The following XPO1 variants were observed in gnomAD, a reference collection of about 807,000 sequenced individuals.
XPO1 encodes the protein exportin-1.
In XPO1, 5 loss-of-function variants were observed where a neutral mutation model predicts 133.3. The ratio of observed to expected loss-of-function variants is 0.04; its 90% CI spans 0.02 to 0.08. The LOEUF (loss-of-function observed/expected upper bound fraction) is 0.08, where lower values mean the gene tolerates loss of function less well. Among genes scored for constraint, XPO1 ranks in the 10% least tolerant of loss-of-function variants. XPO1 has a pLI of 1.00. For synonymous variants in XPO1, 419 were observed against 408.2 expected (o/e 1.03, Z -0.32); for missense variants, 506 against 1,267.5 (o/e 0.40, Z 9.12).
chr2:61,495,781 C>T (rs962954737), intron 10 of XPO1, among the ~76,000 whole-genome samples, 168 bp from the exon 11 acceptor site: 2 of 151,936 alleles, frequency 1.3e-5, no homozygotes, highest in African/African-American at 4.8e-5. Flanking sequence ...AATCAGTCCT[C>T]CTCAGCCCCT....
chr2:61,502,031 C>A lies in XPO1; in HGVS notation c.373G>T (p.Val125Leu). The A allele has an allele frequency of 6.2e-7, 1 of 1,601,868 alleles. No individual in the cohort carries two copies. The highest frequency in any genetic ancestry group is 8.5e-7 in the Non-Finnish European group (1 of 1,173,372). Reference sequence around the variant, plus strand: ...ATCATATTTAATTTTCCGATATACACCTTTTCTTTCTAAGGAAAAGTAAAA... The same window carrying A: ...ATCATATTTAATTTTCCGATATACAACTTTTCTTTCTAAGGAAAAGTAAAA... Reference protein sequence around the residue: ...SDPTCVEKEKVYIGKLNMILV... With the variant: ...SDPTCVEKEKLYIGKLNMILV... Residue 125 changes from valine to leucine, a missense_variant, in exon 6 of 25, where the codon GTG becomes TTG. Val to Leu is a conservative substitution (Grantham distance 32). This residue lies in a region of XPO1 where 68 missense variants were observed against 210.5 expected (regional missense o/e 0.32). Coordinates refer to ENST00000401558, the MANE Select transcript of XPO1 (RefSeq NM_003400.4).
chr2:61,504,454 A>C (rs1697697650), intron 4 of XPO1, among the ~76,000 whole-genome samples: 1 of 152,228 alleles, frequency 6.6e-6, no homozygotes, highest in South Asian at 2.1e-4. Flanking sequence ...ACTATTTCCT[A>C]CTACGTAAAA....
rs1162220239 is a variant in XPO1, at chr2:61,537,594, C to T, written c.-39G>A. ...TTGAACCAACTGCTCCTTCCTTCCT[C>T]GTTGGGGGATTAGGGCGAGGGAAGG... On this transcript the variant is annotated 5_prime_UTR_variant, in exon 1 of 25. Transcript: ENST00000401558. 2 of 151,544 alleles carry T rather than the reference C, an allele frequency of 1.3e-5. No homozygotes were observed. Among genetic ancestry groups the T allele is most frequent in the African/African-American group, 2.4e-5 (1 of 41,214 alleles). The allele number at this position is 151,544 out of a possible 1,614,324, so 9.4% of individuals were successfully genotyped here.
Position 61,522,490 on chromosome 2 carries a change from C to T in XPO1, c.301+121G>A, listed in dbSNP as rs562797289. On this transcript the variant is annotated intron_variant, in intron 4 of 24. Coordinates refer to ENST00000401558, the MANE Select transcript of XPO1 (RefSeq NM_003400.4). ...AGACCTGTTTGCTTCATGATAAAAG[C>T]AATAAGCTCCATTAGAGCAAAATAT... 9.7e-5 allele frequency: 78 copies of T among 804,392 alleles called. 2 individuals are homozygous for T. The East Asian group carries it at 2.0e-3, about 21-fold the overall frequency. 49.8% of individuals were successfully genotyped at this position (804,392 alleles called of 1,614,324 possible). A position where few individuals can be genotyped will look rare whatever the true frequency, so the allele number is the denominator to read the frequency against.
intron 9 of XPO1, among the ~76,000 whole-genome samples, chr2:61,497,635 AT>A (rs1697306396): frequency 6.6e-6 from 1 of 152,194 alleles, no homozygotes; most frequent in African/African-American, 2.4e-5. Context: ...AAAACTTGTG[AT>A]TGCTTAGAAT....
At chr2:61,503,046 A>G (rs1697617481) in intron 4 of XPO1, among the ~76,000 whole-genome samples, 2 of 149,904 alleles carry the variant, frequency 1.3e-5, no homozygotes, top group Admixed American at 1.3e-4. Flanking sequence ...GCTCCCTGCA[A>G]CCTCTGCCTC....
At chr2:61,514,322 G>A (rs534471771) in intron 4 of XPO1, among the ~76,000 whole-genome samples, 11 of 152,262 alleles carry the variant, frequency 7.2e-5, no homozygotes, top group Admixed American at 2.0e-4. Context: ...GCTGGGCGTG[G>A]TGGCTCATGC....
At chr2:61,515,912 TCTC>T (rs1436600477) in intron 4 of XPO1, among the ~76,000 whole-genome samples, 7 of 120,472 alleles carry the variant, frequency 5.8e-5, no homozygotes, top group African/African-American at 2.4e-4. Flanking sequence ...TGAAACCCCA[TCTC>T]TACTAAAAAA....
At chr2:61,482,676 G>A (rs1696455525) in intron 22 of XPO1, 137 bp from the exon 23 acceptor site, 3 of 882,256 alleles carry the variant, frequency 3.4e-6, no homozygotes, top group Non-Finnish European at 5.0e-6. Flanking sequence ...CGCAATCTTA[G>A]TTCACTGCAA....
intron 4 of XPO1, among the ~76,000 whole-genome samples, chr2:61,506,787 G>A (rs532631606): frequency 2.0e-5 from 3 of 152,056 alleles, no homozygotes; most frequent in Non-Finnish European, 2.9e-5. Context: ...AGCTCAGCTT[G>A]AAATTTGACA....
At chr2:61,491,794 C>T (rs1473204358) in intron 16 of XPO1, among the ~76,000 whole-genome samples, 1 of 151,462 alleles carries the variant, frequency 6.6e-6, no homozygotes, top group Non-Finnish European at 1.5e-5. Flanking sequence ...CAGCTACCCA[C>T]GAGGCCAAGG....
intron 6 of XPO1, among the ~76,000 whole-genome samples, chr2:61,500,653 G>A (rs1573151027): frequency 6.8e-6 from 1 of 147,518 alleles, no homozygotes; most frequent in Non-Finnish European, 1.5e-5. Context: ...ACAAAAATTA[G>A]CCAGGGGTGG....
At chr2:61,488,421 A>T (rs981990260) in intron 18 of XPO1, 150 bp from the exon 19 acceptor site, 2 of 1,198,478 alleles carry the variant, frequency 1.7e-6, no homozygotes, top group Non-Finnish European at 2.4e-6. Context: ...TTTAAGACTA[A>T]TTTTAAAAGG....
At chr2:61,530,551 C>A (rs192812083) in intron 2 of XPO1, among the ~76,000 whole-genome samples, 79 of 152,176 alleles carry the variant, frequency 5.2e-4, no homozygotes, top group African/African-American at 1.6e-3. Context: ...CATCTTTTTT[C>A]TAGCTGTCTA....
chr2:61,518,410 AAAACAAAACACACACACACACACACAC>A (rs1304846555), intron 4 of XPO1, among the ~76,000 whole-genome samples: 63 of 144,954 alleles, frequency 4.3e-4, no homozygotes, highest in African/African-American at 1.5e-3. Flanking sequence ...CAAAAAACAA[AAAACAAAACACACACACACACACACAC>A]ACACACACAC....
chr2:61,535,204 G>A (rs72888768), intron 1 of XPO1, among the ~76,000 whole-genome samples: 2,269 of 152,274 alleles, frequency 0.015, 69 homozygotes, highest in African/African-American at 0.051. Context: ...CAAAGCCAAT[G>A]CCACTCAAAC....
chr2:61,528,501 C>T lies in XPO1; in HGVS notation c.127-1980G>A, dbSNP rs139540627. On this transcript the variant is annotated intron_variant, in intron 2 of 24. Coordinates refer to ENST00000401558, the MANE Select transcript of XPO1 (RefSeq NM_003400.4). Reference sequence around the variant, plus strand: ...TACAAAAACTAGCCGGGAATGGTGGCGTGCGCCTATAGTCCCAGCTACTCG... The same window carrying T: ...TACAAAAACTAGCCGGGAATGGTGGTGTGCGCCTATAGTCCCAGCTACTCG... Among the ~76,000 whole-genome samples, 438 of 151,632 alleles carry T rather than the reference C, an allele frequency of 2.9e-3. 3 individuals are homozygous for T. The highest frequency in any genetic ancestry group is 0.01 in the Middle Eastern group (3 of 294).
chr2:61,508,957 TTAAG>T (rs1697956334), intron 4 of XPO1, among the ~76,000 whole-genome samples: 1 of 152,148 alleles, frequency 6.6e-6, no homozygotes, highest in African/African-American at 2.4e-5. Context: ...CACGTACAGT[TTAAG>T]TACCCCAAAT....
chr2:61,530,794 A>C (rs996457766), intron 2 of XPO1, among the ~76,000 whole-genome samples: 1 of 151,968 alleles, frequency 6.6e-6, no homozygotes, highest in Non-Finnish European at 1.5e-5. Flanking sequence ...TTAGCATAAT[A>C]AATTTTTCTT....
Sources: gnomAD v4.1 joint callset for allele counts (sites outside exome capture counted in the v4.1 genomes callset) on GRCh38, gnomAD v4.1.1 for gene constraint, gnomAD v4.1.1 regional missense constraint, MANE v1.5 for transcripts, NCBI Gene and HGNC (gene_info 2026-07-23, HGNC 2026-07-21) for gene names.